The following PAXIP1 variants were observed in gnomAD, a reference collection of about 807,000 sequenced individuals.
PAXIP1 encodes the protein PAX-interacting protein 1.
PAXIP1 carries 19 observed loss-of-function variants against 140.6 expected under a neutral mutation model. The ratio of observed to expected loss-of-function variants is 0.14; its 90% CI spans 0.09 to 0.20. The LOEUF (loss-of-function observed/expected upper bound fraction) is 0.20, where lower values mean the gene tolerates loss of function less well. Ranked by LOEUF, PAXIP1 falls within the 10% of genes least tolerant of loss-of-function variation. The pLI is 1.00. For missense variants in PAXIP1, 920 were observed against 1,208.6 expected (o/e 0.76, Z 3.54); for synonymous variants, 442 against 444.6 (o/e 0.99, Z 0.07).
chr7:154,976,088 G>T lies in PAXIP1; in HGVS notation c.682C>A (p.Pro228Thr). The change falls in exon 6 of 21, where the codon CCT becomes ACT. Residue 228 changes from proline (P) to threonine (T), a missense_variant. Coordinates refer to ENST00000404141, the MANE Select transcript of PAXIP1 (RefSeq NM_007349.4). ...GGTGAAAACTGCTGGTCACCTGAAGGAGACCCTTCTTGAGAGCTGGCAGGG... is the reference window on the plus strand; with the variant it reads ...GGTGAAAACTGCTGGTCACCTGAAGTAGACCCTTCTTGAGAGCTGGCAGGG... ...SSPASSQEGS[P>T]SGDQQFSPKS... The T allele has an allele frequency of 6.3e-7, 1 of 1,578,056 alleles. No homozygotes were observed. Among genetic ancestry groups the T allele is most frequent in the Non-Finnish European group, 8.6e-7 (1 of 1,160,248 alleles).
rs769126808 is a variant in PAXIP1, at chr7:154,963,167, C to T, written c.1989+504G>A. Among the ~76,000 whole-genome samples the T allele has an allele frequency of 2.6e-5, 4 of 151,922 alleles. No individual in the cohort carries two copies. Among genetic ancestry groups the T allele is most frequent in the Admixed American group, 6.6e-5 (1 of 15,254 alleles). Reference sequence around the variant, plus strand: ...TGGAATGGTGACTGCAGGGAGTGTCCGCCCTTTCTTTCTTTTATTTTTTTT... The same window carrying T: ...TGGAATGGTGACTGCAGGGAGTGTCTGCCCTTTCTTTCTTTTATTTTTTTT... On this transcript the variant is annotated intron_variant, in intron 9 of 20. Transcript: ENST00000404141. The surrounding 1 kb of genome is among the most constrained non-coding windows in gnomAD (Gnocchi z 4.1).
chr7:154,965,040 A>C (rs1314282627), intron 8 of PAXIP1: 1 of 152,258 alleles, frequency 6.6e-6, no homozygotes, highest in East Asian at 1.9e-4. Context: ...CCTAGCCTTA[A>C]ATATGGTCTA....
intron 20 of PAXIP1, chr7:154,945,454 C>T: frequency 4.0e-6 from 3 of 752,144 alleles, no homozygotes; most frequent in Non-Finnish European, 4.9e-6. Flanking sequence ...CTGGATGAAA[C>T]AGGCACACAC....
chr7:155,003,171 A>T (rs1467045152), upstream of PAXIP1: 1 of 150,338 alleles, frequency 6.7e-6, no homozygotes, highest in Non-Finnish European at 1.5e-5. Flanking sequence ...CGCCCCGGCC[A>T]CCGAGGGGGA....
In PAXIP1 at chr7:154,963,919, G is replaced by T; in HGVS notation, c.1894-153C>A. ...AGGACATGTAACAGTTCTATTTACG[G>T]ACTTTTCTACCCAGCACCATACAAT... is the stretch of plus-strand genomic sequence containing the variant. On this transcript the variant is annotated intron_variant, in intron 8 of 20. Coordinates refer to ENST00000404141, the MANE Select transcript of PAXIP1 (RefSeq NM_007349.4). This position sits in a 1 kb window ranked among gnomAD's most constrained non-coding sequence, Gnocchi z 4.1. 1 of 615,700 alleles carries T rather than the reference G, an allele frequency of 1.6e-6. No homozygotes were observed. Among genetic ancestry groups the T allele is most frequent in the South Asian group, 1.9e-5 (1 of 52,674 alleles). The allele number at this position is 615,700 out of a possible 1,614,324, so 38.1% of individuals were successfully genotyped here.
In PAXIP1 at chr7:154,946,132, C is replaced by A; in HGVS notation, c.3194+233G>T. 3 of 975,426 alleles carry A rather than the reference C, an allele frequency of 3.1e-6. No homozygotes were observed. Among genetic ancestry groups the A allele is most frequent in the South Asian group, 9.5e-5 (2 of 21,082 alleles). 60.4% of individuals were successfully genotyped at this position (975,426 alleles called of 1,614,324 possible). On this transcript the variant is annotated intron_variant, in intron 20 of 20. Transcript: ENST00000404141. The surrounding 1 kb of genome is among the most constrained non-coding windows in gnomAD (Gnocchi z 4.9). ...CCTCCATAAACTAGACAGTATAGAT[C>A]CTTTCTAATTAACATCACCTATTAA...
chr7:154,961,466 G>A, intron 11 of PAXIP1, 61 bp downstream of exon 11: 1 of 1,355,012 alleles, frequency 7.4e-7, no homozygotes, highest in Non-Finnish European at 1.0e-6. Flanking sequence ...CACAATTATT[G>A]AAATAGCCAC....
chr7:154,968,565 G>T lies in PAXIP1; in HGVS notation c.1636C>A (p.Gln546Lys). ...QLQRMHQQQQ[Q>K]QQMQSQTAPH... ...GCTGTCTGACTTTGCATCTGCTGCT[G>T]CTGCTGCTGCTGGTGCATGCGCTGG... Residue 546 changes from glutamine (Q) to lysine (K), a missense_variant, in exon 7 of 21, where the codon CAG becomes AAG. Around this residue, in one of 5 missense-constraint regions of PAXIP1, gnomAD observed 133 missense variants for 88.4 expected, o/e 1.50. Coordinates refer to ENST00000404141, the MANE Select transcript of PAXIP1 (RefSeq NM_007349.4). The T allele has an allele frequency of 1.4e-6, 1 of 721,694 alleles. No individual in the cohort carries two copies. The highest frequency in any genetic ancestry group is 2.6e-6 in the Non-Finnish European group (1 of 389,858). The allele number at this position is 721,694 out of a possible 1,614,324, so 44.7% of individuals were successfully genotyped here.
At chr7:154,955,382 A>C in intron 15 of PAXIP1, 147 bp downstream of exon 15, 1 of 581,494 alleles carries the variant, frequency 1.7e-6, no homozygotes, top group Non-Finnish European at 3.0e-6. Flanking sequence ...TACTATAAAT[A>C]CTACTAAAAA....
intron 16 of PAXIP1, chr7:154,948,618 A>G (rs1808113644): frequency 6.6e-6 from 1 of 151,770 alleles, no homozygotes; most frequent in Admixed American, 6.6e-5. Flanking sequence ...ACTGAAAAAT[A>G]TGAACCCTCT....
intron 2 of PAXIP1, among the ~76,000 whole-genome samples, chr7:154,994,381 T>C (rs775566060): frequency 3.3e-5 from 5 of 152,052 alleles, no homozygotes; most frequent in Admixed American, 6.6e-5. Flanking sequence ...CTTCAGAAAA[T>C]TACTATCAAA....
intron 16 of PAXIP1, chr7:154,948,964 G>C (rs144832190): frequency 3.6e-4 from 54 of 152,032 alleles, no homozygotes; most frequent in African/African-American, 1.2e-3. Flanking sequence ...ATTAATAATT[G>C]ACAGATTTTC....
At chr7:154,969,382 G>GT (rs1219819553) in intron 6 of PAXIP1, among the ~76,000 whole-genome samples, 31 of 152,304 alleles carry the variant, frequency 2.0e-4, no homozygotes, top group Non-Finnish European at 3.8e-4. Flanking sequence ...GTAAACTAAC[G>GT]AATTAAAGTG....
chr7:154,950,955 T>A (rs1466543079), intron 16 of PAXIP1: 2 of 152,422 alleles, frequency 1.3e-5, no homozygotes, highest in African/African-American at 4.8e-5. Context: ...GATCAGTGGT[T>A]GCCAGGGGTC....
At chr7:154,981,767 A>G (rs1455893930) in intron 5 of PAXIP1, among the ~76,000 whole-genome samples, 2 of 152,164 alleles carry the variant, frequency 1.3e-5, no homozygotes, top group Non-Finnish European at 2.9e-5. Flanking sequence ...TATGACTTAG[A>G]TTTGTTTTTC....
intron 16 of PAXIP1, chr7:154,949,413 T>C (rs1808163753): frequency 6.6e-6 from 1 of 152,124 alleles, no homozygotes; most frequent in African/African-American, 2.4e-5. Flanking sequence ...AACCAGCAGA[T>C]AGAAAGGCTG....
At chr7:154,959,779 T>C (rs137881448) in intron 13 of PAXIP1, 111 bp downstream of exon 13, 1 of 752,892 alleles carries the variant, frequency 1.3e-6, no homozygotes, top group Non-Finnish European at 2.3e-6. Flanking sequence ...GATAATTCGT[T>C]ATCATGTTGA....
At position 154,945,975 on chromosome 7, in the gene PAXIP1, T is replaced by C. The variant is rs185849058; in HGVS notation, c.3194+390A>G. 3.9e-4 allele frequency: 388 copies of C among 985,192 alleles called. 1 individual carries two copies. In the African/African-American group the frequency reaches 6.4e-3, roughly 16 times the overall value. 61.0% of individuals were successfully genotyped at this position (985,192 alleles called of 1,614,324 possible). On this transcript the variant is annotated intron_variant, in intron 20 of 20. Transcript: ENST00000404141. ...AATTTATCTCCCATCCCAAAGTTCC[T>C]GAGTACAAAGACTATATACGAACTA... is the stretch of plus-strand genomic sequence containing the variant.
chr7:155,002,711 A>T (rs1255115737), intron 1 of PAXIP1, 138 bp downstream of exon 1: 1 of 355,882 alleles, frequency 2.8e-6, no homozygotes, highest in Non-Finnish European at 4.4e-6. Flanking sequence ...CCCTCAGCGC[A>T]GTCAGGCCAG....
Sources: allele counts gnomAD v4.1 joint callset (sites outside exome capture counted in the v4.1 genomes callset), GRCh38; gene constraint gnomAD v4.1.1; regional missense constraint gnomAD v4.1.1; non-coding constraint Gnocchi (gnomAD v3.1); transcripts MANE v1.5; gene names NCBI Gene and HGNC (gene_info 2026-07-23, HGNC 2026-07-21).